Variants in AKAP1 observed in about 807,000 individuals in gnomAD.
The protein encoded by AKAP1 is A-kinase anchoring protein 1, also known as A-kinase anchor protein 1, mitochondrial.
Under a neutral mutation model 79.8 loss-of-function variants are expected in AKAP1, and 32 were observed. The observed-to-expected ratio is 0.40, with a 90% CI of 0.30 to 0.54. The LOEUF (loss-of-function observed/expected upper bound fraction) is 0.54, where lower values mean the gene tolerates loss of function less well. Among genes scored for constraint, AKAP1 ranks in the 20% least tolerant of loss-of-function variants. The pLI is 0.47. For synonymous variants in AKAP1, 416 were observed against 466.7 expected, an observed-to-expected ratio of 0.89 and a Z score of 1.40; for missense variants, 961 against 1,138.9, an observed-to-expected ratio of 0.84 and a Z score of 2.25.
At chr17:57,112,455 C>G (rs1915307126) in intron 4 of AKAP1, 36 bp from the exon 5 acceptor site, 1 of 1,603,006 alleles carries the variant, frequency 6.2e-7, no homozygotes, top group African/African-American at 1.3e-5. Context: ...TTTCCTCTTA[C>G]AGTGATTGTA....
chr17:57,112,585 A>T lies in AKAP1; in HGVS notation c.2070A>T (p.Ser690=), dbSNP rs1567912982. The change falls in exon 5 of 11, where the codon TCA becomes TCT. Residue 690 remains serine, a synonymous_variant. Transcript: ENST00000337714. The stretch of plus-strand genomic sequence containing the variant: ...ATATCTACGCTCCCCCATTGCCTTC[A>T]CTGGCACTGCCTTCTCTGCCGATGA... ...LTNIYAPPLP[S]LALPSLPMTS... 6.2e-7 allele frequency: 1 copy of T among 1,614,108 alleles called. No individual in the cohort carries two copies. Among genetic ancestry groups the T allele is most frequent in the Non-Finnish European group, 8.5e-7 (1 of 1,179,992 alleles).
At chr17:57,107,668 CTT>C (rs1438825197) in intron 2 of AKAP1, among the ~76,000 whole-genome samples, 1 of 151,932 alleles carries the variant, frequency 6.6e-6, no homozygotes, top group South Asian at 2.1e-4. Flanking sequence ...ACACTAACCT[CTT>C]TGTGTGTGCG....
intron 1 of AKAP1, among the ~76,000 whole-genome samples, chr17:57,099,426 C>A (rs1347553076): frequency 3.3e-5 from 5 of 152,174 alleles, no homozygotes; most frequent in Non-Finnish European, 5.9e-5. Flanking sequence ...AGCCTTGGGT[C>A]TCTGGCTCTA....
rs772150279 is a variant in AKAP1 at position 57,086,560 on chromosome 17, C to A, written c.-25+1162C>A. The A allele has an allele frequency of 2.1e-5, 9 of 418,864 alleles. No homozygotes were observed. Among genetic ancestry groups the A allele is most frequent in the Non-Finnish European group, 2.8e-5 (6 of 211,278 alleles). The allele number at this position is 418,864 out of a possible 1,614,324, so 25.9% of individuals were successfully genotyped here. ...CAGGTGCGAGTCGAGGCCTCTCAAG[C>A]TGGGTAGGGTGTATGCGCAGGGCAA... On this transcript the variant is annotated intron_variant, in intron 1 of 10. Coordinates refer to ENST00000337714, the MANE Select transcript of AKAP1 (RefSeq NM_003488.4). The surrounding 1 kb of genome is among the most constrained non-coding windows in gnomAD (Gnocchi z 5.1).
chr17:57,100,654 C>G (rs972055819), intron 1 of AKAP1, among the ~76,000 whole-genome samples: 1 of 152,028 alleles, frequency 6.6e-6, no homozygotes, highest in Non-Finnish European at 1.5e-5. Flanking sequence ...ACAAACTGAC[C>G]GGATGAAAAC....
At chr17:57,119,478 C>T (rs569405496) in intron 10 of AKAP1, among the ~76,000 whole-genome samples, 1 of 152,206 alleles carries the variant, frequency 6.6e-6, no homozygotes, top group African/African-American at 2.4e-5. Context: ...CTTTGGGAGG[C>T]CGAGACGGGC....
intron 1 of AKAP1, among the ~76,000 whole-genome samples, chr17:57,099,237 A>G (rs7224229): frequency 1 from 151,926 of 152,286 alleles, 75,783 homozygotes; most frequent in Middle Eastern, 1. Context: ...TTCCCTGGTA[A>G]CAAGGAAAAA....
intron 3 of AKAP1, 81 bp downstream of exon 3, chr17:57,110,239 A>G: frequency 6.4e-7 from 1 of 1,556,498 alleles, no homozygotes; most frequent in Non-Finnish European, 8.7e-7. Context: ...TCAGGGAGGG[A>G]GGGGGCTGGG....
At chr17:57,089,936 G>A (rs192714122) in intron 1 of AKAP1, among the ~76,000 whole-genome samples, 96 of 152,302 alleles carry the variant, frequency 6.3e-4, no homozygotes, top group Middle Eastern at 3.4e-3. Context: ...GTTTGTCCTT[G>A]GTCTCCAAAT....
Position 57,086,234 on chromosome 17 carries a change from G to T in AKAP1, c.-25+836G>T. The T allele has an allele frequency of 3.0e-6, 1 of 330,434 alleles. No individual in the cohort carries two copies. Among genetic ancestry groups the T allele is most frequent in the Non-Finnish European group, 5.9e-6 (1 of 168,186 alleles). 20.5% of individuals were successfully genotyped at this position (330,434 alleles called of 1,614,324 possible). ...CCCCGCCTGCGGCCCAGGGCCCGGG[G>T]TCTGCGATCTGGAGGGACCGCGCCA... On this transcript the variant is annotated intron_variant, in intron 1 of 10. Transcript: ENST00000337714. This position sits in a 1 kb window ranked among gnomAD's most constrained non-coding sequence, Gnocchi z 5.1.
rs1419155409 is a variant in AKAP1, at chr17:57,086,564, G to GT, written c.-25+1167dup. The GT allele has an allele frequency of 2.4e-6, 1 of 412,776 alleles. No homozygotes were observed. Among genetic ancestry groups the GT allele is most frequent in the Non-Finnish European group, 4.8e-6 (1 of 208,616 alleles). The allele number at this position is 412,776 out of a possible 1,614,324, so 25.6% of individuals were successfully genotyped here. ...TGCGAGTCGAGGCCTCTCAAGCTGG[G>GT]TAGGGTGTATGCGCAGGGCAATTAG... On this transcript the variant is annotated intron_variant, in intron 1 of 10. Coordinates refer to ENST00000337714, the MANE Select transcript of AKAP1 (RefSeq NM_003488.4). This position sits in a 1 kb window ranked among gnomAD's most constrained non-coding sequence, Gnocchi z 5.1.
Position 57,111,779 on chromosome 17 carries a change from C to G in AKAP1, c.1849-19C>G, listed in dbSNP as rs150190709. ...TGGTTTCCCTTTAACCCTCTCATCTCTTTTTGTCTTTCTGGAAGCACTTAG... is the reference window on the plus strand; with the variant it reads ...TGGTTTCCCTTTAACCCTCTCATCTGTTTTTGTCTTTCTGGAAGCACTTAG... On this transcript the variant is annotated intron_variant, in intron 3 of 10. Coordinates refer to ENST00000337714, the MANE Select transcript of AKAP1 (RefSeq NM_003488.4). 18 of 1,613,784 alleles carry G rather than the reference C, an allele frequency of 1.1e-5. No individual in the cohort carries two copies. The East Asian group carries it at 3.8e-4, about 34-fold the overall frequency.
chr17:57,091,192 C>T (rs1472191947), intron 1 of AKAP1, among the ~76,000 whole-genome samples: 1 of 152,248 alleles, frequency 6.6e-6, no homozygotes, highest in Non-Finnish European at 1.5e-5. Flanking sequence ...GACCCACACT[C>T]AGCTGTGCCT....
intron 2 of AKAP1, among the ~76,000 whole-genome samples, chr17:57,107,718 T>TTA (rs1311710128): frequency 6.6e-6 from 1 of 152,044 alleles, no homozygotes; most frequent in Non-Finnish European, 1.5e-5. Flanking sequence ...CTCCTTAGCT[T>TTA]TACTTCCCTT....
intron 5 of AKAP1, among the ~76,000 whole-genome samples, chr17:57,113,581 G>A (rs562652171): frequency 4.1e-5 from 6 of 145,596 alleles, no homozygotes; most frequent in African/African-American, 1.3e-4. Context: ...AGGCTCGGTC[G>A]TAGACTCACT....
chr17:57,095,422 TTG>T (rs1359419959), intron 1 of AKAP1: 1 of 151,646 alleles, frequency 6.6e-6, no homozygotes. Flanking sequence ...TCCCGAAGTG[TTG>T]GGGATTGTAG....
At position 57,114,506 on chromosome 17, in the gene AKAP1, G is replaced by T; in HGVS notation, c.2151G>T (p.Gln717His). 1 of 1,614,158 alleles carries T rather than the reference G, an allele frequency of 6.2e-7. No homozygotes were observed. The highest frequency in any genetic ancestry group is 1.1e-5 in the South Asian group (1 of 91,076). Residue 717 changes from glutamine (Q) to histidine (H), a missense_variant, in exon 6 of 11, where the codon CAG (glutamine) becomes CAT (histidine). Coordinates refer to ENST00000337714, the MANE Select transcript of AKAP1 (RefSeq NM_003488.4). ...CCGTGGAGGTCATTGTGGTCAACCA[G>T]GTCAATGCCGGGCACCTGTTCGTGC... The part of the protein sequence containing the change: ...GITVEVIVVN[Q>H]VNAGHLFVQQ...
In AKAP1 at chr17:57,114,594, T is replaced by C; in HGVS notation, c.2239T>C (p.Tyr747His). 6.2e-7 allele frequency: 1 copy of C among 1,614,170 alleles called. No individual in the cohort carries two copies. The highest frequency in any genetic ancestry group is 1.1e-5 in the South Asian group (1 of 91,088). ...CCTCGACCAGCAGATGTACCTCTGT[T>C]ACTCTCAGCCTGGAATCCCCACCTT... ...RSLDQQMYLC[Y>H]SQPGIPTLPT... Residue 747 changes from tyrosine to histidine, a missense_variant, in exon 6 of 11, where the codon TAC (tyrosine) becomes CAC (histidine). Tyr to His is a moderately conservative substitution (Grantham distance 83, BLOSUM62 2). Coordinates refer to ENST00000337714, the MANE Select transcript of AKAP1 (RefSeq NM_003488.4).
chr17:57,106,870 C>A lies in AKAP1; in HGVS notation c.1406C>A (p.Thr469Asn). The A allele has an allele frequency of 6.2e-7, 1 of 1,613,992 alleles. No individual in the cohort carries two copies. The highest frequency in any genetic ancestry group is 8.5e-7 in the Non-Finnish European group (1 of 1,179,846). Residue 469 changes from threonine to asparagine, a missense_variant, in exon 2 of 11, where the codon ACC becomes AAC. This residue lies in a region of AKAP1 where 629 missense variants were observed against 781.1 expected (regional missense o/e 0.81). Transcript: ENST00000337714. ...CTGGCCTCCTGCCTGGCACTGACCA[C>A]CCCCAGTGAAGAGTTGCCGGACCGG... ...ISLASCLALT[T>N]PSEELPDRAG...
Sources: gnomAD v4.1 joint callset for allele counts (sites outside exome capture counted in the v4.1 genomes callset) on GRCh38, gnomAD v4.1.1 for gene constraint, gnomAD v4.1.1 regional missense constraint, Gnocchi (gnomAD v3.1) non-coding constraint, MANE v1.5 for transcripts, NCBI Gene and HGNC (gene_info 2026-07-23, HGNC 2026-07-21) for gene names.